Variants in ROBO2 observed in about 807,000 individuals in gnomAD.
The protein encoded by ROBO2 is roundabout homolog 2.
Under a neutral mutation model 160.8 loss-of-function variants are expected in ROBO2, and 53 were observed. The observed-to-expected ratio is 0.33, with a 90% CI of 0.26 to 0.41. The LOEUF is 0.41. Ranked by LOEUF, ROBO2 falls within the 10% of genes least tolerant of loss-of-function variation. The pLI is 1.00. For missense variants in ROBO2, 1,577 were observed against 1,722.4 expected (o/e 0.92, Z 1.49); for synonymous variants, 664 against 611.7 (o/e 1.09, Z -1.26).
chr3:76,125,212 G>A (rs1307433238), intron 2 of ROBO2, among the ~76,000 whole-genome samples: 2 of 152,132 alleles, frequency 1.3e-5, no homozygotes, highest in African/African-American at 2.4e-5. Flanking sequence ...ATTCCCTGGT[G>A]TGTATGTACC....
chr3:76,690,275 A>G (rs1267468383), intron 2 of ROBO2, among the ~76,000 whole-genome samples: 3 of 152,052 alleles, frequency 2.0e-5, no homozygotes, highest in Non-Finnish European at 4.4e-5. Flanking sequence ...TATGACCTGA[A>G]TGTGTCCACC....
At chr3:77,016,133 C>A (rs1005792043) in intron 2 of ROBO2, among the ~76,000 whole-genome samples, 8 of 151,976 alleles carry the variant, frequency 5.3e-5, no homozygotes, top group Non-Finnish European at 1.2e-4. Flanking sequence ...CCCGCCACCA[C>A]GCCTGGCTAA....
intron 2 of ROBO2, among the ~76,000 whole-genome samples, chr3:77,137,532 A>G (rs1017806188): frequency 2.6e-5 from 4 of 152,242 alleles, no homozygotes; most frequent in South Asian, 4.1e-4. Context: ...GGCCGTATAT[A>G]TAACATCTTA....
At chr3:77,624,847 C>T (rs770768312) in intron 23 of ROBO2, among the ~76,000 whole-genome samples, 26 of 152,116 alleles carry the variant, frequency 1.7e-4, no homozygotes, top group Non-Finnish European at 3.5e-4. Context: ...GTTACACAGT[C>T]CCTGAAACCC....
At chr3:77,314,126 T>C (rs1482225818) in intron 2 of ROBO2, among the ~76,000 whole-genome samples, 1 of 152,102 alleles carries the variant, frequency 6.6e-6, no homozygotes, top group East Asian at 1.9e-4. Context: ...CCATATTCTG[T>C]TACAACTCAT....
intron 2 of ROBO2, among the ~76,000 whole-genome samples, chr3:76,516,572 T>C (rs1351948445): frequency 6.6e-6 from 1 of 152,124 alleles, no homozygotes; most frequent in East Asian, 1.9e-4. Flanking sequence ...ATTTTAAAAT[T>C]TACCAGTGTT....
intron 2 of ROBO2, among the ~76,000 whole-genome samples, chr3:76,965,783 G>GTATATATATATATATA (rs1392105349): frequency 2.2e-4 from 15 of 68,002 alleles, no homozygotes; most frequent in African/African-American, 1.2e-3. Context: ...TATTGTGTTT[G>GTATATATATATATATA]TGTATATATA....
intron 2 of ROBO2, among the ~76,000 whole-genome samples, chr3:76,725,596 G>A (rs2107771809): frequency 6.6e-6 from 1 of 152,200 alleles, no homozygotes; most frequent in Non-Finnish European, 1.5e-5. Flanking sequence ...TTTCATACAT[G>A]TTCCTGAAAC....
Position 77,207,949 on chromosome 3 carries a change from C to G in ROBO2, c.388+109609C>G, listed in dbSNP as rs555099879. 2.6e-5 allele frequency among the ~76,000 whole-genome samples: 4 copies of G among 152,320 alleles called. No individual in the cohort carries two copies. The South Asian group carries it at 8.3e-4, about 32-fold the overall frequency. ...GAATTGATTTCATACACAACAGGAG[C>G]TTGTGATGGATTCGCTCCCACTGTG... On this transcript the variant is annotated intron_variant, in intron 2 of 25. Transcript: ENST00000461745.
intron 2 of ROBO2, among the ~76,000 whole-genome samples, chr3:75,937,901 G>T (rs1017132345): frequency 1.8e-4 from 26 of 144,834 alleles, no homozygotes; most frequent in African/African-American, 6.7e-4. Flanking sequence ...ATGTGTGTGT[G>T]TGTGTGTTTT....
intron 2 of ROBO2, among the ~76,000 whole-genome samples, chr3:76,692,485 G>C (rs2092823792): frequency 6.6e-6 from 1 of 152,054 alleles, no homozygotes; most frequent in African/African-American, 2.4e-5. Flanking sequence ...TAAAGAGCAT[G>C]TTTTCTATTC....
chr3:76,969,948 A>T (rs1300519580), intron 2 of ROBO2, among the ~76,000 whole-genome samples: 1 of 152,152 alleles, frequency 6.6e-6, no homozygotes, highest in African/African-American at 2.4e-5. Flanking sequence ...TAAGTGGCAT[A>T]AGAGTACCTT....
At chr3:77,115,526 G>GTGAA (rs1343989265) in intron 2 of ROBO2, among the ~76,000 whole-genome samples, 1 of 152,070 alleles carries the variant, frequency 6.6e-6, no homozygotes, top group African/African-American at 2.4e-5. Flanking sequence ...TGATATCTTT[G>GTGAA]TGAATATTAG....
chr3:77,136,776 A>G (rs2076311597), intron 2 of ROBO2, among the ~76,000 whole-genome samples: 1 of 151,672 alleles, frequency 6.6e-6, no homozygotes, highest in East Asian at 2.0e-4. Flanking sequence ...AGCTGGGACT[A>G]CAGGTGCATG....
At chr3:76,010,038 C>T (rs575981217) in intron 2 of ROBO2, among the ~76,000 whole-genome samples, 1 of 152,250 alleles carries the variant, frequency 6.6e-6, no homozygotes, top group East Asian at 1.9e-4. Flanking sequence ...CCCTGGAAAG[C>T]ACATTGAAAG....
rs115844732 is a variant in ROBO2, at chr3:76,412,770, G to A, written c.109+475168G>A. On this transcript the variant is annotated intron_variant, in intron 2 of 26. Transcript: ENST00000487694. ...CTCCCAGCTGCTTTCACTGGCTGGC[G>A]TTGAGTGTCTGTGGCTTTTCCAGGC... Among the ~76,000 whole-genome samples the A allele has an allele frequency of 6.5e-3, 990 of 152,286 alleles. 4 individuals are homozygous for A. Among genetic ancestry groups the A allele is most frequent in the Admixed American group, 9.1e-3 (140 of 15,306 alleles).
intron 2 of ROBO2, among the ~76,000 whole-genome samples, chr3:76,601,228 C>T (rs548155140): frequency 2.2e-3 from 329 of 152,268 alleles, no homozygotes; most frequent in Non-Finnish European, 3.8e-3. Context: ...TGAAGCTTTT[C>T]CAGGTGCATG....
At chr3:76,724,263 A>C (rs2093512145) in intron 2 of ROBO2, among the ~76,000 whole-genome samples, 1 of 152,170 alleles carries the variant, frequency 6.6e-6, no homozygotes, top group Non-Finnish European at 1.5e-5. Flanking sequence ...CCCTTAGGCC[A>C]AGATCATGCC....
chr3:77,346,591 C>T (rs2067667779), intron 2 of ROBO2, among the ~76,000 whole-genome samples: 1 of 152,128 alleles, frequency 6.6e-6, no homozygotes, highest in African/African-American at 2.4e-5. Flanking sequence ...AGTAGGTTCA[C>T]ATTCCCGGAA....
Sources: allele counts gnomAD v4.1 joint callset (sites outside exome capture counted in the v4.1 genomes callset), GRCh38; gene constraint gnomAD v4.1.1; transcripts MANE v1.5; gene names NCBI Gene and HGNC (gene_info 2026-07-23, HGNC 2026-07-21).